GRAMD1B: variants seen among roughly 807,000 people sequenced by gnomAD.
GRAMD1B encodes the protein GRAM domain containing 1B, also known as protein Aster-B.
In GRAMD1B, 37 loss-of-function variants were observed where a neutral mutation model predicts 99.7. That is an observed-to-expected ratio of 0.37 (90% CI 0.29 to 0.49). The LOEUF is 0.49. GRAMD1B is among the 20% of genes least tolerant of loss of function. GRAMD1B has a pLI of 0.98. For missense variants in GRAMD1B, 888 were observed against 1,009.2 expected, an observed-to-expected ratio of 0.88 and a Z score of 1.63; for synonymous variants, 427 against 387.6, an observed-to-expected ratio of 1.10 and a Z score of -1.19.
At chr11:123,437,008 G>GT (rs1250736706) in intron 1 of GRAMD1B, among the ~76,000 whole-genome samples, 5 of 152,044 alleles carry the variant, frequency 3.3e-5, no homozygotes, top group African/African-American at 9.7e-5. Context: ...GCGGTGTTTG[G>GT]TTTTTTGTCC....
At chr11:123,401,436 C>A (rs973840031) in intron 1 of GRAMD1B, among the ~76,000 whole-genome samples, 4 of 152,260 alleles carry the variant, frequency 2.6e-5, no homozygotes, top group Non-Finnish European at 4.4e-5. Flanking sequence ...CCGTGCAGAG[C>A]ACATGCTCTT....
intron 2 of GRAMD1B, among the ~76,000 whole-genome samples, chr11:123,541,537 GAT>G (rs1491138796): frequency 1.3e-4 from 19 of 141,464 alleles, no homozygotes; most frequent in Non-Finnish European, 1.9e-4. Flanking sequence ...TCTGTGAATT[GAT>G]TTTTTTTTTT....
chr11:123,477,681 CT>C (rs1348264667), intron 1 of GRAMD1B, among the ~76,000 whole-genome samples: 1 of 143,848 alleles, frequency 7.0e-6, no homozygotes, highest in African/African-American at 2.6e-5. Flanking sequence ...CTTCCTTCTC[CT>C]TCTCCCTTCC....
chr11:123,366,641 A>G (rs1325931168), intron 1 of GRAMD1B, among the ~76,000 whole-genome samples: 2 of 152,250 alleles, frequency 1.3e-5, no homozygotes, highest in East Asian at 3.8e-4. Context: ...ATGAAATAGG[A>G]GAAAGAAGAA....
intron 2 of GRAMD1B, among the ~76,000 whole-genome samples, chr11:123,505,906 A>G (rs955491652): frequency 6.6e-6 from 1 of 152,028 alleles, no homozygotes; most frequent in African/African-American, 2.4e-5. Context: ...ATATACAGGG[A>G]GCGTCTACAT....
Position 123,595,976 on chromosome 11 carries a change from CT to C in GRAMD1B, c.909del (p.Glu305LysfsTer33). 1 of 1,609,266 alleles carries C rather than the reference CT, an allele frequency of 6.2e-7. No individual in the cohort carries two copies. Among genetic ancestry groups the C allele is most frequent in the Non-Finnish European group, 8.5e-7 (1 of 1,177,668 alleles). Reference sequence around the variant, plus strand: ...CGTTTGAAAGACATCTGTTCCATGACTAAAGAAAAAACAGCTCGCCTCATTC... The same window carrying C: ...CGTTTGAAAGACATCTGTTCCATGACAAAGAAAAAACAGCTCGCCTCATTC... ...TVRLKDICSM[T>X]KEKTARLIPN... On this transcript the variant is annotated frameshift_variant, in exon 7 of 20. Coordinates refer to ENST00000635736, the MANE Select transcript of GRAMD1B (RefSeq NM_001387025.1). LOFTEE classifies it high-confidence loss of function.
chr11:123,445,640 AC>A (rs1035085339), intron 1 of GRAMD1B, among the ~76,000 whole-genome samples: 2 of 151,784 alleles, frequency 1.3e-5, no homozygotes, highest in African/African-American at 4.8e-5. Context: ...ACATGGTGAA[AC>A]CCCCTCTCTA....
chr11:123,513,515 T>TTTCCTTCCTTCCTTCCTTCCTTCC (rs58960047), intron 2 of GRAMD1B, among the ~76,000 whole-genome samples: 2 of 144,952 alleles, frequency 1.4e-5, no homozygotes, highest in African/African-American at 5.5e-5. Context: ...TCTTTCTTTC[T>TTTCCTTCCTTCCTTCCTTCCTTCC]TTCCTTCCTT....
chr11:123,434,863 A>G (rs1297432195), intron 1 of GRAMD1B, among the ~76,000 whole-genome samples: 1 of 152,212 alleles, frequency 6.6e-6, no homozygotes, highest in Non-Finnish European at 1.5e-5. Flanking sequence ...AGACAGCTGT[A>G]TATTTAAGTT....
rs1183125666 is a variant in GRAMD1B, at chr11:123,548,290, AAATATATATATATAT to A, written c.453-29075_453-29061del. On this transcript the variant is annotated intron_variant, in intron 2 of 19. Transcript: ENST00000635736. Reference sequence around the variant, plus strand: ...AAATTGGAAGAGTCAGGCTGTGCCAAAATATATATATATATATATATATATATATATATATACACA... The same window carrying A: ...AAATTGGAAGAGTCAGGCTGTGCCAAATATATATATATATATATATACACA... Among the ~76,000 whole-genome samples the A allele has an allele frequency of 4.6e-4, 27 of 58,170 alleles. 2 individuals are homozygous for A. Among genetic ancestry groups the A allele is most frequent in the African/African-American group, 2.0e-3 (24 of 12,032 alleles). The allele number at this position is 58,170 out of a possible 152,430, so 38.2% of individuals were successfully genotyped here. A position where few individuals can be genotyped will look rare whatever the true frequency, so the allele number is the denominator to read the frequency against.
At chr11:123,549,879 G>T (rs1222104292) in intron 2 of GRAMD1B, among the ~76,000 whole-genome samples, 1 of 152,078 alleles carries the variant, frequency 6.6e-6, no homozygotes, top group South Asian at 2.1e-4. Context: ...GTGCTGCCCT[G>T]GGGGAGGGTG....
At chr11:123,486,373 G>A (rs1161845025) in intron 2 of GRAMD1B, among the ~76,000 whole-genome samples, 1 of 151,888 alleles carries the variant, frequency 6.6e-6, no homozygotes, top group East Asian at 1.9e-4. Context: ...CATGGCAAAA[G>A]CCCGTCTTTA....
At position 123,545,151 on chromosome 11, in the gene GRAMD1B, G is replaced by A. The variant is rs185255433; in HGVS notation, c.453-32216G>A. Reference sequence around the variant, plus strand: ...TCCTCCAGGGCAGCCGCCCCGGTGCGAGAAAGAATGGTCTCTGCAGACTTC... The same window carrying A: ...TCCTCCAGGGCAGCCGCCCCGGTGCAAGAAAGAATGGTCTCTGCAGACTTC... On this transcript the variant is annotated intron_variant, in intron 2 of 19. Transcript: ENST00000635736. Among the ~76,000 whole-genome samples, 710 of 152,332 alleles carry A rather than the reference G, an allele frequency of 4.7e-3. 5 individuals carry two copies. The highest frequency in any genetic ancestry group is 0.016 in the African/African-American group (667 of 41,574).
intron 2 of GRAMD1B, among the ~76,000 whole-genome samples, chr11:123,573,182 A>G (rs1592073282): frequency 1.3e-5 from 2 of 148,742 alleles, no homozygotes; most frequent in Admixed American, 1.3e-4. Flanking sequence ...GCTCAGTTAG[A>G]CCCCGATGGC....
At chr11:123,405,191 CATGT>C (rs1039434428) in intron 1 of GRAMD1B, among the ~76,000 whole-genome samples, 7 of 107,846 alleles carry the variant, frequency 6.5e-5, no homozygotes, top group African/African-American at 2.7e-4. Context: ...ATCATGTGTG[CATGT>C]GTGTGTGTGT....
Position 123,467,131 on chromosome 11 carries a change from CT to C in GRAMD1B, c.375-13684del, listed in dbSNP as rs200098014. 9.0e-3 allele frequency among the ~76,000 whole-genome samples: 1,367 copies of C among 152,124 alleles called. 9 individuals carry two copies. The highest frequency in any genetic ancestry group is 0.015 in the Non-Finnish European group (1,002 of 68,000). ...GATAAAGAATATTTATTTATTTTTCCTAGCCAGAGCTTCATGATCTGTATTC... is the reference window on the plus strand; with the variant it reads ...GATAAAGAATATTTATTTATTTTTCCAGCCAGAGCTTCATGATCTGTATTC... On this transcript the variant is annotated intron_variant, in intron 1 of 19. Coordinates refer to ENST00000635736, the MANE Select transcript of GRAMD1B (RefSeq NM_001387025.1).
At position 123,399,737 on chromosome 11, in the gene GRAMD1B, G is replaced by A. The variant is rs368350106; in HGVS notation, c.-176+40938G>A. 2.0e-4 allele frequency among the ~76,000 whole-genome samples: 30 copies of A among 152,238 alleles called. No individual in the cohort carries two copies. In the East Asian group the frequency reaches 3.3e-3, roughly 17 times the overall value. The stretch of plus-strand genomic sequence containing the variant: ...CAATTCTCCTGCCTCAGCCTCTTGA[G>A]TAGCTGGAATTAAATGTGCACCACC... On this transcript the variant is annotated intron_variant, in intron 1 of 20. Transcript: ENST00000638157.
intron 11 of GRAMD1B, chr11:123,608,457 G>A: frequency 2.0e-6 from 3 of 1,504,558 alleles, no homozygotes; most frequent in South Asian, 2.5e-5. Context: ...AGGAAATGGT[G>A]TGCATCCCAG....
rs371810830 is a variant in GRAMD1B at position 123,456,898 on chromosome 11, C to T, written c.375-23918C>T. ...TGGCGCCACTGTACTCCAGCCTGGG[C>T]GACAGAGGGAGACTCTGTCTCAAAA... is the stretch of plus-strand genomic sequence containing the variant. On this transcript the variant is annotated intron_variant, in intron 1 of 19. Transcript: ENST00000635736. 5.7e-4 allele frequency among the ~76,000 whole-genome samples: 75 copies of T among 131,238 alleles called. No individual in the cohort carries two copies. The East Asian group carries it at 9.6e-3, about 17-fold the overall frequency. 86.1% of individuals were successfully genotyped at this position (131,238 alleles called of 152,430 possible).
Sources: allele counts gnomAD v4.1 joint callset (sites outside exome capture counted in the v4.1 genomes callset), GRCh38; gene constraint gnomAD v4.1.1; transcripts MANE v1.5; gene names NCBI Gene and HGNC (gene_info 2026-07-23, HGNC 2026-07-21).